Variants in TAS2R1 observed in about 807,000 individuals in gnomAD.
TAS2R1 encodes the protein taste receptor type 2 member 1.
For synonymous variants in TAS2R1, 141 were observed against 134.2 expected, an observed-to-expected ratio of 1.05 and a Z score of -0.35; for missense variants, 370 against 353.4, an observed-to-expected ratio of 1.05 and a Z score of -0.38.
chr5:9,629,958 G>T lies in TAS2R1; in HGVS notation c.75C>A (p.Gly25=). The T allele has an allele frequency of 1.2e-6, 2 of 1,608,366 alleles. No homozygotes were observed. The highest frequency in any genetic ancestry group is 1.7e-6 in the Non-Finnish European group (2 of 1,178,110). The change falls in exon 1 of 1, where the codon GGC becomes GGA. Residue 25 remains glycine (G), a synonymous_variant. Coordinates refer to ENST00000382492, the MANE Select transcript of TAS2R1 (RefSeq NM_019599.3). ...CAATGCCATTCACCACCACAATGAT[G>T]CCATTTGTGAAAATCCCAAGAAGAA... The part of the protein sequence containing the change: ...IQFLLGIFTN[G]IIVVVNGIDL...
chr5:9,847,741 T>G, the TAS2R1 span, among the ~76,000 whole-genome samples: 1 of 152,128 alleles, frequency 6.6e-6, no homozygotes, highest in African/African-American at 2.4e-5. Context: ...TTTCGCCTCC[T>G]AGAAGGTTCC....
the TAS2R1 span, among the ~76,000 whole-genome samples, chr5:9,795,350 C>T: frequency 0.011 from 1,631 of 152,160 alleles, 22 homozygotes; most frequent in African/African-American, 0.034. Context: ...GGCTAGAGGA[C>T]AAAGTAATAT....
At chr5:9,728,618 T>C in the TAS2R1 span, among the ~76,000 whole-genome samples, 1 of 152,120 alleles carries the variant, frequency 6.6e-6, no homozygotes, top group South Asian at 2.1e-4. Context: ...TGGATGTAAA[T>C]AGTTCATGGG....
chr5:9,795,954 G>A, the TAS2R1 span, among the ~76,000 whole-genome samples: 1 of 152,070 alleles, frequency 6.6e-6, no homozygotes, highest in African/African-American at 2.4e-5. Flanking sequence ...CATTTCCCAG[G>A]TCCTCTCCCT....
At chr5:9,725,478 G>A in the TAS2R1 span, among the ~76,000 whole-genome samples, 33 of 152,326 alleles carry the variant, frequency 2.2e-4, no homozygotes, top group East Asian at 4.1e-3. Context: ...AGCTGTGAAG[G>A]GTGTACTGGG....
chr5:9,867,114 G>A, the TAS2R1 span: 1 of 152,178 alleles, frequency 6.6e-6, no homozygotes, highest in Non-Finnish European at 1.5e-5. Flanking sequence ...TTGGTTCTTG[G>A]CTGGCATCTG....
the TAS2R1 span, among the ~76,000 whole-genome samples, chr5:9,841,991 T>C: frequency 6.6e-6 from 1 of 152,202 alleles, no homozygotes; most frequent in Non-Finnish European, 1.5e-5. Context: ...AGTTCTTTCT[T>C]TGACCTAGAA....
the TAS2R1 span, among the ~76,000 whole-genome samples, chr5:9,814,602 T>C: frequency 3.9e-5 from 6 of 152,198 alleles, no homozygotes; most frequent in African/African-American, 1.4e-4. Flanking sequence ...CTACGTTCTT[T>C]CTTTATTCTA....
chr5:9,862,689 C>A, the TAS2R1 span, among the ~76,000 whole-genome samples: 1 of 152,074 alleles, frequency 6.6e-6, no homozygotes. Context: ...TACAACCTCT[C>A]CCCCATCTCT....
chr5:9,698,374 C>T (rs960688056), intron 1 of TAS2R1, among the ~76,000 whole-genome samples: 2 of 152,090 alleles, frequency 1.3e-5, no homozygotes, highest in African/African-American at 4.8e-5. Context: ...TATGTTTGAT[C>T]ACTACAGCAG....
chr5:9,847,496 T>C, the TAS2R1 span, among the ~76,000 whole-genome samples: 1 of 152,370 alleles, frequency 6.6e-6, no homozygotes, highest in South Asian at 2.1e-4. Flanking sequence ...ATAGGATTTC[T>C]TGTTCATGTG....
intron 1 of TAS2R1, among the ~76,000 whole-genome samples, chr5:9,689,052 C>G (rs1392258248): frequency 2.6e-5 from 4 of 152,168 alleles, no homozygotes; most frequent in Non-Finnish European, 5.9e-5. Flanking sequence ...CTCCAGAGAA[C>G]TCACCTGCTT....
intron 1 of TAS2R1, among the ~76,000 whole-genome samples, chr5:9,691,007 G>C (rs1294832379): frequency 6.6e-6 from 1 of 152,110 alleles, no homozygotes; most frequent in African/African-American, 2.4e-5. Context: ...GATAAACGTG[G>C]GCGTCTCTGC....
At chr5:9,833,746 G>C in the TAS2R1 span, among the ~76,000 whole-genome samples, 1 of 152,180 alleles carries the variant, frequency 6.6e-6, no homozygotes, top group South Asian at 2.1e-4. Flanking sequence ...AAATACAGTT[G>C]TATCACATGA....
chr5:9,643,790 G>A (rs1269278180), intron 2 of TAS2R1, among the ~76,000 whole-genome samples: 1 of 152,184 alleles, frequency 6.6e-6, no homozygotes, highest in African/African-American at 2.4e-5. Context: ...CTGTAGTGGG[G>A]AAGAGGAGAG....
At chr5:9,667,667 C>A (rs937002037) in intron 1 of TAS2R1, among the ~76,000 whole-genome samples, 5 of 152,118 alleles carry the variant, frequency 3.3e-5, no homozygotes, top group Non-Finnish European at 5.9e-5. Flanking sequence ...AAAGAGGGCT[C>A]CTCCAAGACC....
the TAS2R1 span, among the ~76,000 whole-genome samples, chr5:9,852,869 C>T: frequency 0.011 from 1,715 of 151,656 alleles, 25 homozygotes; most frequent in Non-Finnish European, 0.017. Flanking sequence ...ATATATATGT[C>T]TCATTTAGCC....
chr5:9,846,770 A>G, the TAS2R1 span, among the ~76,000 whole-genome samples: 1 of 152,230 alleles, frequency 6.6e-6, no homozygotes, highest in South Asian at 2.1e-4. Context: ...GAAGTTCAAA[A>G]TAACAATATT....
chr5:9,881,964 A>C, the TAS2R1 span, among the ~76,000 whole-genome samples: 4 of 152,340 alleles, frequency 2.6e-5, no homozygotes, highest in South Asian at 6.2e-4. Context: ...ATTTTGTGAC[A>C]AAAACATCAA....
Sources: gnomAD v4.1 joint callset for allele counts (sites outside exome capture counted in the v4.1 genomes callset) on GRCh38, gnomAD v4.1.1 for gene constraint, MANE v1.5 for transcripts, NCBI Gene and HGNC (gene_info 2026-07-23, HGNC 2026-07-21) for gene names.